AGBL3: variants seen among roughly 807,000 people sequenced by gnomAD.
AGBL3 encodes the protein cytosolic carboxypeptidase 3.
A neutral mutation model predicts 94.5 loss-of-function variants in AGBL3; 68 were observed. That is an observed-to-expected ratio of 0.72 (90% CI 0.59 to 0.88). The LOEUF (loss-of-function observed/expected upper bound fraction) is 0.88. Among genes scored for constraint, AGBL3 ranks in the 40% least tolerant of loss-of-function variants. AGBL3 has a pLI of 0.00. For synonymous variants in AGBL3, 354 were observed against 370.7 expected (o/e 0.95, Z 0.52); for missense variants, 934 against 1,103.8 (o/e 0.85, Z 2.18).
At chr7:135,085,904 A>T (rs1030303913) in intron 15 of AGBL3, among the ~76,000 whole-genome samples, 1 of 151,984 alleles carries the variant, frequency 6.6e-6, no homozygotes, top group South Asian at 2.1e-4. Flanking sequence ...TTTGATAGGG[A>T]GTGCATTGAA....
At chr7:135,051,978 A>G (rs1292558671) in intron 11 of AGBL3, among the ~76,000 whole-genome samples, 1 of 126,242 alleles carries the variant, frequency 7.9e-6, no homozygotes, top group Middle Eastern at 3.7e-3. Context: ...GATTATATTA[A>G]CTTTTAGAAA....
chr7:135,067,579 A>G, intron 12 of AGBL3, among the ~76,000 whole-genome samples: 1 of 152,174 alleles, frequency 6.6e-6, no homozygotes, highest in Non-Finnish European at 1.5e-5. Context: ...TTTGCTGTTC[A>G]CCAATATCCG....
intron 15 of AGBL3, among the ~76,000 whole-genome samples, chr7:135,112,468 C>T (rs375523262): frequency 1.3e-5 from 2 of 152,218 alleles, no homozygotes; most frequent in African/African-American, 4.8e-5. Flanking sequence ...AATTATTCTA[C>T]ACCACACTTG....
intron 15 of AGBL3, among the ~76,000 whole-genome samples, chr7:135,110,032 G>T (rs1825383579): frequency 6.6e-6 from 1 of 152,162 alleles, no homozygotes; most frequent in South Asian, 2.1e-4. Flanking sequence ...CTTCTTTTCT[G>T]TAGGGTGGCT....
At position 135,059,180 on chromosome 7, in the gene AGBL3, C is replaced by T. The variant is rs1267173606; in HGVS notation, c.1853C>T (p.Ser618Phe). The change falls in exon 12 of 17, where the codon TCT (serine) becomes TTT (phenylalanine). Residue 618 changes from serine to phenylalanine, a missense_variant. This residue lies in a region of AGBL3 where 441 missense variants were observed against 518.2 expected (regional missense o/e 0.85). Coordinates refer to ENST00000436302, the MANE Select transcript of AGBL3 (RefSeq NM_178563.4). ...TATTTTTTTTGTAGTAGCCGAGGCT[C>T]TGACAGTTCAGAATCCATTGACTCT... ...TLDVESSSRG[S>F]DSSESIDSLT... 2.1e-5 allele frequency: 33 copies of T among 1,551,008 alleles called. No individual in the cohort carries two copies. Among genetic ancestry groups the T allele is most frequent in the Non-Finnish European group, 2.9e-5 (33 of 1,146,660 alleles).
At chr7:135,070,678 C>CAT (rs1819818183) in intron 12 of AGBL3, among the ~76,000 whole-genome samples, 1 of 152,018 alleles carries the variant, frequency 6.6e-6, no homozygotes, top group Non-Finnish European at 1.5e-5. Context: ...TTCGACAATG[C>CAT]TTCATGCTAA....
intron 12 of AGBL3, among the ~76,000 whole-genome samples, chr7:135,072,717 G>A (rs543802614): frequency 6.5e-4 from 95 of 146,374 alleles, no homozygotes; most frequent in African/African-American, 2.2e-3. Context: ...TGAACAATGA[G>A]AACACATGGA....
At chr7:135,133,059 G>A (rs918448361) in intron 16 of AGBL3, among the ~76,000 whole-genome samples, 7 of 120,386 alleles carry the variant, frequency 5.8e-5, no homozygotes, top group East Asian at 2.1e-4. Flanking sequence ...ACACACGCAC[G>A]CATGCGTGCA....
chr7:135,032,753 T>C, intron 5 of AGBL3, 91 bp from the exon 6 acceptor site: 1 of 1,216,304 alleles, frequency 8.2e-7, no homozygotes, highest in Non-Finnish European at 1.1e-6. Context: ...TTACAATCCT[T>C]ACACTTGTAC....
intron 12 of AGBL3, among the ~76,000 whole-genome samples, chr7:135,067,057 C>T (rs184625475): frequency 7.2e-4 from 109 of 152,322 alleles, no homozygotes; most frequent in Middle Eastern, 3.4e-3. Flanking sequence ...GCTCTTCCAA[C>T]GGTCTTAGCA....
chr7:135,078,250 C>T (rs1820635905), intron 13 of AGBL3, among the ~76,000 whole-genome samples: 1 of 152,024 alleles, frequency 6.6e-6, no homozygotes, highest in Non-Finnish European at 1.5e-5. Context: ...CACTGTCATC[C>T]CAAGTGAATG....
At chr7:135,124,594 C>T (rs10268206) in intron 16 of AGBL3, among the ~76,000 whole-genome samples, 76,964 of 152,086 alleles carry the variant, frequency 0.51, 19,752 homozygotes, top group South Asian at 0.66. Flanking sequence ...ACAGAATATA[C>T]GTTCTTCTCT....
chr7:135,128,804 A>G, intron 16 of AGBL3: 1 of 1,192,456 alleles, frequency 8.4e-7, no homozygotes, highest in Non-Finnish European at 1.2e-6. Flanking sequence ...ACAGACCAAG[A>G]GGAAACTGTG....
chr7:135,037,117 G>A (rs538977421), intron 7 of AGBL3, among the ~76,000 whole-genome samples: 5 of 152,052 alleles, frequency 3.3e-5, no homozygotes, highest in South Asian at 2.1e-4. Flanking sequence ...AGGTGGTTTC[G>A]CCACATTGGC....
intron 3 of AGBL3, among the ~76,000 whole-genome samples, chr7:134,992,007 G>A (rs1810350304): frequency 6.6e-6 from 1 of 152,208 alleles, no homozygotes; most frequent in Non-Finnish European, 1.5e-5. Context: ...TCTTCAGATA[G>A]TTATGTTTTT....
intron 4 of AGBL3, chr7:134,995,325 A>T (rs1810873928): frequency 6.6e-6 from 1 of 152,160 alleles, no homozygotes; most frequent in African/African-American, 2.4e-5. Context: ...ATTCCACTCA[A>T]CTTGGTTCCA....
chr7:135,065,709 G>A (rs147219009), intron 12 of AGBL3, among the ~76,000 whole-genome samples: 3 of 152,090 alleles, frequency 2.0e-5, no homozygotes, highest in Non-Finnish European at 4.4e-5. Context: ...CTAGGCAACA[G>A]AGTGAGACCC....
intron 5 of AGBL3, among the ~76,000 whole-genome samples, chr7:135,029,742 A>T (rs1815517490): frequency 6.6e-6 from 1 of 152,198 alleles, no homozygotes; most frequent in Non-Finnish European, 1.5e-5. Flanking sequence ...AGCTTTTGAC[A>T]TGCCTTCCTC....
chr7:134,987,319 A>T lies in AGBL3; in HGVS notation c.-59-556A>T, dbSNP rs139265024. 5.2e-3 allele frequency among the ~76,000 whole-genome samples: 798 copies of T among 152,346 alleles called. 9 individuals are homozygous for T. The highest frequency in any genetic ancestry group is 4.1e-3 in the Non-Finnish European group (280 of 68,036). ...TGGTCTTGATATTACCCACATGGGA[A>T]GATACTTGCATAGAATGGTAATGGT... is the stretch of plus-strand genomic sequence containing the variant. On this transcript the variant is annotated intron_variant, in intron 1 of 16. Coordinates refer to ENST00000436302, the MANE Select transcript of AGBL3 (RefSeq NM_178563.4).
Sources: allele counts gnomAD v4.1 joint callset (sites outside exome capture counted in the v4.1 genomes callset), GRCh38; gene constraint gnomAD v4.1.1; regional missense constraint gnomAD v4.1.1; transcripts MANE v1.5; gene names NCBI Gene and HGNC (gene_info 2026-07-23, HGNC 2026-07-21).